Variants in NOL9 observed in about 807,000 individuals in gnomAD.
NOL9 encodes the protein polynucleotide 5'-hydroxyl-kinase NOL9.
A neutral mutation model predicts 67.9 loss-of-function variants in NOL9; 28 were observed. That is an observed-to-expected ratio of 0.41 (90% CI 0.31 to 0.57). The LOEUF (loss-of-function observed/expected upper bound fraction) is 0.57. Ranked by LOEUF, NOL9 falls within the 20% of genes least tolerant of loss-of-function variation. The pLI, the probability that NOL9 is intolerant of heterozygous loss-of-function variation, is 0.25. For synonymous variants in NOL9, 356 were observed against 352.2 expected (o/e 1.01, Z -0.12); for missense variants, 777 against 897.0 (o/e 0.87, Z 1.71).
intron 6 of NOL9, among the ~76,000 whole-genome samples, chr1:6,536,053 T>C (rs981541922): frequency 5.9e-5 from 9 of 152,162 alleles, no homozygotes; most frequent in African/African-American, 1.7e-4. Flanking sequence ...GTTCAAAAAT[T>C]AGCCAGGTGT....
At chr1:6,532,843 T>A (rs1267338320) in intron 7 of NOL9, 83 bp from the exon 8 acceptor site, 2 of 1,247,110 alleles carry the variant, frequency 1.6e-6, no homozygotes, top group African/African-American at 3.0e-5. Flanking sequence ...CTACGACAAA[T>A]GGATGCATTT....
chr1:6,534,297 G>A (rs1639099899), intron 6 of NOL9, among the ~76,000 whole-genome samples: 1 of 152,208 alleles, frequency 6.6e-6, no homozygotes, highest in Non-Finnish European at 1.5e-5. Context: ...TCAGTAAACA[G>A]CAAGCTGGTT....
At chr1:6,532,393 G>C in intron 8 of NOL9, 70 bp downstream of exon 8, 2 of 1,436,714 alleles carry the variant, frequency 1.4e-6, no homozygotes, top group Non-Finnish European at 1.9e-6. Context: ...GGCCTTTAGA[G>C]GAATTGAGAA....
chr1:6,549,608 G>T lies in NOL9; in HGVS notation c.707C>A (p.Thr236Asn). 1.2e-6 allele frequency: 2 copies of T among 1,614,104 alleles called. No homozygotes were observed. Among genetic ancestry groups the T allele is most frequent in the Non-Finnish European group, 1.7e-6 (2 of 1,179,988 alleles). ...AATGTAGGATGAACCCGGATAGCTG[G>T]TTATGAAGTTTACAGTGGCAGTTTT... The part of the protein sequence containing the change: ...HLKTATVNFI[T>N]SYPGSSYIFV... The change falls in exon 3 of 12, where the codon ACC (threonine) becomes AAC (asparagine). Residue 236 changes from threonine to asparagine, a missense_variant. By Grantham distance (65) the Thr-to-Asn change is moderately conservative. Coordinates refer to ENST00000377705, the MANE Select transcript of NOL9 (RefSeq NM_024654.5).
chr1:6,540,564 T>C (rs558422066), intron 6 of NOL9, among the ~76,000 whole-genome samples: 1 of 152,230 alleles, frequency 6.6e-6, no homozygotes, highest in East Asian at 1.9e-4. Context: ...CAGTGGCTCA[T>C]GCCTACAATC....
rs1287698159 is a variant in NOL9, at chr1:6,541,010, C to CTTTT, written c.1075+819_1075+820insAAAA. ...ATAAAATCTGTAGACTGGTTAACAG[C>CTTTT]GTTTTTTTTTTTTTTTTTTTTTTTG... On this transcript the variant is annotated intron_variant, in intron 6 of 11. Coordinates refer to ENST00000377705, the MANE Select transcript of NOL9 (RefSeq NM_024654.5). 1.9e-4 allele frequency: 23 copies of CTTTT among 123,092 alleles called. 9 individuals are homozygous for CTTTT. Among genetic ancestry groups the CTTTT allele is most frequent in the Non-Finnish European group, 2.0e-4 (12 of 60,462 alleles). 7.6% of individuals were successfully genotyped at this position (123,092 alleles called of 1,614,324 possible).
rs1260397958 is a variant in NOL9 at position 6,550,488 on chromosome 1, C to T, written c.524G>A (p.Ser175Asn). Reference protein sequence around the residue: ...IFSVYTHSCLSIHALHYSQPE... With the variant: ...IFSVYTHSCLNIHALHYSQPE... ...CTGTGAGTAGTGAAGTGCATGGATA[C>T]TCAAGCAAGAGTGGGTATACACAGA... Residue 175 changes from serine (S) to asparagine (N), a missense_variant, in exon 2 of 12, where the codon AGT becomes AAT. Transcript: ENST00000377705. 6 of 1,613,970 alleles carry T rather than the reference C, an allele frequency of 3.7e-6. No individual in the cohort carries two copies. The highest frequency in any genetic ancestry group is 1.3e-5 in the African/African-American group (1 of 74,918).
chr1:6,542,430 TG>T (rs1639315723), intron 5 of NOL9, among the ~76,000 whole-genome samples: 1 of 149,156 alleles, frequency 6.7e-6, no homozygotes, highest in Non-Finnish European at 1.5e-5. Flanking sequence ...CCCAAAGTGC[TG>T]GGATTATAGG....
chr1:6,525,765 G>A lies in NOL9; in HGVS notation c.*89C>T. The A allele has an allele frequency of 7.3e-7, 1 of 1,360,576 alleles. No individual in the cohort carries two copies. The highest frequency in any genetic ancestry group is 1.0e-6 in the Non-Finnish European group (1 of 962,392). The allele number at this position is 1,360,576 out of a possible 1,614,324, so 84.3% of individuals were successfully genotyped here. ...GTTGCTAATAAGGGCACCATTCATG[G>A]CCATGAAACTCCATCATGTCTCTTG... On this transcript the variant is annotated 3_prime_UTR_variant, in exon 12 of 12. Transcript: ENST00000377705.
chr1:6,529,002 A>C lies in NOL9; in HGVS notation c.1817T>G (p.Leu606Trp). The C allele has an allele frequency of 6.2e-7, 1 of 1,614,072 alleles. No homozygotes were observed. Among genetic ancestry groups the C allele is most frequent in the Non-Finnish European group, 8.5e-7 (1 of 1,179,978 alleles). The change falls in exon 10 of 12, where the codon TTG becomes TGG. Residue 606 changes from leucine (L) to tryptophan (W), a missense_variant. Physicochemically the swap from Leu to Trp is moderately conservative, Grantham distance 61. Coordinates refer to ENST00000377705, the MANE Select transcript of NOL9 (RefSeq NM_024654.5). ...LLAQTPICDC[L>W]GFGICRGIDM... ...TTTACTCTCAGACTCACCAAAGCCC[A>C]AGCAGTCACAGATTGGAGTCTGGGC...
chr1:6,545,267 G>A, intron 3 of NOL9, 87 bp from the exon 4 acceptor site: 1 of 1,334,606 alleles, frequency 7.5e-7, no homozygotes, highest in Non-Finnish European at 1.0e-6. Flanking sequence ...ACAGTTGTGA[G>A]CCAGAGAAGA....
At chr1:6,542,305 C>T (rs1043367013) in intron 5 of NOL9, among the ~76,000 whole-genome samples, 6 of 151,668 alleles carry the variant, frequency 4.0e-5, no homozygotes, top group African/African-American at 1.5e-4. Flanking sequence ...GGACTACAGG[C>T]ACCCACCACC....
rs766873067 is a variant in NOL9 at position 6,554,109 on chromosome 1, G to C, written c.394C>G (p.Gln132Glu). 2 of 1,526,490 alleles carry C rather than the reference G, an allele frequency of 1.3e-6. No homozygotes were observed. The highest frequency in any genetic ancestry group is 2.4e-5 in the South Asian group (2 of 82,972). 94.6% of individuals were successfully genotyped at this position (1,526,490 alleles called of 1,614,324 possible). Residue 132 changes from glutamine to glutamate, a missense_variant and splice_region_variant, in exon 1 of 12, where the codon CAG becomes GAG. Physicochemically the swap from Gln to Glu is conservative, Grantham distance 29. Transcript: ENST00000377705. ...GRALLLLPVE[Q>E]GFTFSGICRV... is the part of the protein sequence containing the mutation. ...TACTACCGGCGCCCCCCACCTACCT[G>C]CTCGACCGGCAGCAGCAGCAACGCG...
intron 1 of NOL9, among the ~76,000 whole-genome samples, chr1:6,551,968 G>C (rs1161533917): frequency 6.6e-6 from 1 of 152,068 alleles, no homozygotes; most frequent in Non-Finnish European, 1.5e-5. Flanking sequence ...CCGGGAGGCG[G>C]AGCTTGCAGT....
chr1:6,549,968 C>T (rs890692555), intron 2 of NOL9, among the ~76,000 whole-genome samples: 9 of 152,128 alleles, frequency 5.9e-5, no homozygotes, highest in Non-Finnish European at 1.0e-4. Flanking sequence ...TCAGGACCCT[C>T]GTAAGGGTTT....
At chr1:6,542,807 G>A (rs1388277958) in intron 5 of NOL9, among the ~76,000 whole-genome samples, 1 of 151,242 alleles carries the variant, frequency 6.6e-6, no homozygotes, top group Non-Finnish European at 1.5e-5. Flanking sequence ...GGCCAGGCTG[G>A]TCTTGAACTC....
Position 6,554,161 on chromosome 1 carries a change from T to A in NOL9, c.342A>T (p.Pro114=). Residue 114 remains proline, a synonymous_variant, in exon 1 of 12, where the codon CCA becomes CCT. Transcript: ENST00000377705. ...ASSCHRPLLI[P]PVRPVGPGRA... ...GGCCGGGGCCCACGGGCCGCACCGG[T>A]GGGATGAGGAGAGGCCGGTGGCAAC... is the stretch of plus-strand genomic sequence containing the variant. 6.5e-7 allele frequency: 1 copy of A among 1,528,972 alleles called. No homozygotes were observed. The highest frequency in any genetic ancestry group is 8.8e-7 in the Non-Finnish European group (1 of 1,137,734). 94.7% of individuals were successfully genotyped at this position (1,528,972 alleles called of 1,614,324 possible). A position where few individuals can be genotyped will look rare whatever the true frequency, so the allele number is the denominator to read the frequency against.
At chr1:6,531,870 C>T (rs1639035305) in intron 9 of NOL9, 98 bp downstream of exon 9, 5 of 849,494 alleles carry the variant, frequency 5.9e-6, no homozygotes, top group East Asian at 2.4e-5. Context: ...ATTAAATGAG[C>T]GAGGAGTTAT....
intron 10 of NOL9, among the ~76,000 whole-genome samples, chr1:6,528,433 A>G (rs1298460118): frequency 6.6e-6 from 1 of 152,248 alleles, no homozygotes; most frequent in Non-Finnish European, 1.5e-5. Flanking sequence ...AGAAGCCACC[A>G]GACCATCTAA....
Sources: allele counts gnomAD v4.1 joint callset (sites outside exome capture counted in the v4.1 genomes callset), GRCh38; gene constraint gnomAD v4.1.1; transcripts MANE v1.5; gene names NCBI Gene and HGNC (gene_info 2026-07-23, HGNC 2026-07-21).